PLA2G2F: variants seen among roughly 807,000 people sequenced by gnomAD.
The protein encoded by PLA2G2F is group IIF secretory phospholipase A2.
A neutral mutation model predicts 15.9 loss-of-function variants in PLA2G2F; 17 were observed. The ratio of observed to expected loss-of-function variants is 1.07; its 90% CI spans 0.73 to 1.60. The LOEUF (loss-of-function observed/expected upper bound fraction) is 1.60. Ranked by LOEUF, PLA2G2F falls within the 40% of genes most tolerant of loss-of-function variation. The pLI is 0.00. For synonymous variants in PLA2G2F, 119 were observed against 106.5 expected, an observed-to-expected ratio of 1.12 and a Z score of -0.72; for missense variants, 299 against 278.2, an observed-to-expected ratio of 1.07 and a Z score of -0.53.
intron 2 of PLA2G2F, chr1:20,140,730 T>C (rs1395086514): frequency 6.3e-6 from 1 of 159,278 alleles, no homozygotes; most frequent in African/African-American, 2.4e-5. Flanking sequence ...GGATGAAGGG[T>C]GCATAGATCT....
chr1:20,143,570 G>A lies in PLA2G2F; in HGVS notation c.294G>A (p.Gln98=). The change falls in exon 3 of 5, where the codon CAG becomes CAA. Residue 98 remains glutamine, a synonymous_variant. Coordinates refer to ENST00000375102, the MANE Select transcript of PLA2G2F (RefSeq NM_022819.4). ...GCYCGLGGRG[Q]PKDEVDWCCH... ...ACTGTGGGCTGGGGGGCCGTGGCCAGCCCAAGGATGAGGTGGACTGGTAGG... is the reference window on the plus strand; with the variant it reads ...ACTGTGGGCTGGGGGGCCGTGGCCAACCCAAGGATGAGGTGGACTGGTAGG... 6.2e-7 allele frequency: 1 copy of A among 1,613,990 alleles called. No individual in the cohort carries two copies.
rs767770259 is a variant in PLA2G2F, at chr1:20,148,263, CCAGA to C, written c.500_503del (p.Gln167ArgfsTer50). ...AGAACATGGTTCTGTGCCTCATGAA[CCAGA>C]CGTACCGAGAGGAGTACCGTGGCTT... is the stretch of plus-strand genomic sequence containing the variant. On this transcript the variant is annotated frameshift_variant, in exon 5 of 5. Coordinates refer to ENST00000375102, the MANE Select transcript of PLA2G2F (RefSeq NM_022819.4). LOFTEE classifies it low-confidence loss of function (END_TRUNC). 3.7e-6 allele frequency: 6 copies of C among 1,614,094 alleles called. No individual in the cohort carries two copies. In the Admixed American group the frequency reaches 6.7e-5, roughly 18 times the overall value.
rs2017671098 is a variant in PLA2G2F, at chr1:20,148,851, G to A, written c.*450G>A. On this transcript the variant is annotated 3_prime_UTR_variant, in exon 5 of 5. Coordinates refer to ENST00000375102, the MANE Select transcript of PLA2G2F (RefSeq NM_022819.4). ...AGGAAGGCAGATTGCTGGTCACAAA[G>A]CATGGGTTCCGGGAGCCCCTCAGCT... 1 of 172,838 alleles carries A rather than the reference G, an allele frequency of 5.8e-6. No individual in the cohort carries two copies. Among genetic ancestry groups the A allele is most frequent in the Non-Finnish European group, 1.2e-5 (1 of 80,162 alleles). 10.7% of individuals were successfully genotyped at this position (172,838 alleles called of 1,614,324 possible).
chr1:20,147,400 G>A (rs1281653293), intron 4 of PLA2G2F, among the ~76,000 whole-genome samples: 1 of 152,008 alleles, frequency 6.6e-6, no homozygotes, highest in Non-Finnish European at 1.5e-5. Context: ...TAGGCACTAA[G>A]CTTTTGAACA....
chr1:20,150,235 CTA>C lies in PLA2G2F; in HGVS notation c.*1835_*1836del, dbSNP rs1172375744. 6.6e-6 allele frequency: 1 copy of C among 152,408 alleles called. No individual in the cohort carries two copies. Among genetic ancestry groups the C allele is most frequent in the African/African-American group, 2.4e-5 (1 of 41,462 alleles). The allele number at this position is 152,408 out of a possible 1,614,324, so 9.4% of individuals were successfully genotyped here. A position where few individuals can be genotyped will look rare whatever the true frequency, so the allele number is the denominator to read the frequency against. ...CACCCTCCCCTGTCCCTCGGAAAGA[CTA>C]GGCCAGGGTCTGGGGATGGGATTCT... On this transcript the variant is annotated 3_prime_UTR_variant, in exon 5 of 5. Transcript: ENST00000375102.
chr1:20,139,479 G>C lies in PLA2G2F; in HGVS notation c.52G>C (p.Asp18His). The change falls in exon 1 of 5, where the codon GAT becomes CAT. Residue 18 changes from aspartate to histidine, a missense_variant. Transcript: ENST00000375102. ...NPKGFKKKVLDRCFSGWRGPR... is the reference protein window; with the variant it reads ...NPKGFKKKVLHRCFSGWRGPR... The stretch of plus-strand genomic sequence containing the variant: ...CAAAGGGTTCAAAAAGAAGGTGCTG[G>C]ATAGATGCTTCTCTGGGTGGAGGGG... The C allele has an allele frequency of 6.3e-7, 1 of 1,583,362 alleles. No individual in the cohort carries two copies. Among genetic ancestry groups the C allele is most frequent in the Non-Finnish European group, 8.6e-7 (1 of 1,163,542 alleles).
intron 2 of PLA2G2F, chr1:20,141,029 T>A (rs75377359): frequency 6.6e-6 from 1 of 152,114 alleles, no homozygotes; most frequent in African/African-American, 2.4e-5. Context: ...AAGAAATAAA[T>A]GACAAAAACC....
rs748962936 is a variant in PLA2G2F at position 20,148,215 on chromosome 1, C to G, written c.450C>G (p.Asp150Glu). The change falls in exon 5 of 5, where the codon GAC (aspartate) becomes GAG (glutamate). Residue 150 changes from aspartate to glutamate, a missense_variant. By Grantham distance (45) the Asp-to-Glu change is conservative. Transcript: ENST00000375102. ...GTGACCTCAACAAGACAGAGTGTGACAAGCAGACATGCATGTGTGACAAGA... is the reference window on the plus strand; with the variant it reads ...GTGACCTCAACAAGACAGAGTGTGAGAAGCAGACATGCATGTGTGACAAGA... ...VCSDLNKTECDKQTCMCDKNM... is the reference protein window; with the variant it reads ...VCSDLNKTECEKQTCMCDKNM... 2 of 1,614,066 alleles carry G rather than the reference C, an allele frequency of 1.2e-6. No homozygotes were observed. Among genetic ancestry groups the G allele is most frequent in the Non-Finnish European group, 1.7e-6 (2 of 1,179,994 alleles).
intron 2 of PLA2G2F, 165 bp from the exon 3 acceptor site, chr1:20,143,281 A>T: frequency 1.2e-6 from 1 of 810,560 alleles, no homozygotes; most frequent in Non-Finnish European, 1.9e-6. Flanking sequence ...CCTCTGGCTT[A>T]GCTGCCCACG....
In PLA2G2F at chr1:20,140,196, C is replaced by G. The variant is rs373042211; in HGVS notation, c.147C>G (p.Thr49=). ...RSSLGMKKFF[T]VAILAGSVLS... ...GCCTGGGTATGAAGAAGTTCTTCACCGTGGCCATCCTTGCTGGCAGCGGTG... is the reference window on the plus strand; with the variant it reads ...GCCTGGGTATGAAGAAGTTCTTCACGGTGGCCATCCTTGCTGGCAGCGGTG... Residue 49 remains threonine (T), a synonymous_variant, in exon 2 of 5, where the codon ACC becomes ACG. Coordinates refer to ENST00000375102, the MANE Select transcript of PLA2G2F (RefSeq NM_022819.4). 3.1e-6 allele frequency: 5 copies of G among 1,613,888 alleles called. No homozygotes were observed. In the East Asian group the frequency reaches 1.1e-4, roughly 36 times the overall value.
intron 4 of PLA2G2F, among the ~76,000 whole-genome samples, chr1:20,147,836 G>A (rs939131232): frequency 3.3e-5 from 5 of 152,326 alleles, no homozygotes; most frequent in South Asian, 2.1e-4. Context: ...CCTGGGAGGC[G>A]TGGGGGGTGC....
chr1:20,143,657 T>G lies in PLA2G2F; in HGVS notation c.314+67T>G. 2 of 1,569,630 alleles carry G rather than the reference T, an allele frequency of 1.3e-6. 1 individual carries two copies. The highest frequency in any genetic ancestry group is 1.7e-6 in the Non-Finnish European group (2 of 1,151,500). On this transcript the variant is annotated intron_variant, in intron 3 of 4. Transcript: ENST00000375102. ...GGACAGCTGAAGGTCAGACTGACCT[T>G]GCCCTCCATCCCTGAGTGGGGGAGA...
intron 1 of PLA2G2F, among the ~76,000 whole-genome samples, 174 bp from the exon 2 acceptor site, chr1:20,139,992 C>T (rs555275842): frequency 9.2e-5 from 14 of 152,060 alleles, no homozygotes; most frequent in African/African-American, 2.4e-4. Context: ...ATCTGGGGTG[C>T]GCTCCTCCAG....
rs1455262719 is a variant in PLA2G2F at position 20,149,203 on chromosome 1, G to C, written c.*802G>C. 4 of 152,350 alleles carry C rather than the reference G, an allele frequency of 2.6e-5. No homozygotes were observed. Among genetic ancestry groups the C allele is most frequent in the Admixed American group, 2.6e-4 (4 of 15,282 alleles). The allele number at this position is 152,350 out of a possible 1,614,324, so 9.4% of individuals were successfully genotyped here. ...CCCCAACCCTGCTCTGCCACACCAC[G>C]TGGGTCTGAGGAGCACTCCTACCCC... On this transcript the variant is annotated 3_prime_UTR_variant, in exon 5 of 5. Coordinates refer to ENST00000375102, the MANE Select transcript of PLA2G2F (RefSeq NM_022819.4).
Position 20,150,354 on chromosome 1 carries a change from T to C in PLA2G2F, c.*1953T>C, listed in dbSNP as rs1207360721. ...CTCCACAGGACTCGGCTTCCTCTCC[T>C]CAAATGAATAAAGGCCTCCTACCTC... On this transcript the variant is annotated 3_prime_UTR_variant, in exon 5 of 5. Transcript: ENST00000375102. 6.6e-6 allele frequency: 1 copy of C among 152,300 alleles called. No individual in the cohort carries two copies. The highest frequency in any genetic ancestry group is 1.5e-5 in the Non-Finnish European group (1 of 68,124). 9.4% of individuals were successfully genotyped at this position (152,300 alleles called of 1,614,324 possible).
Position 20,148,285 on chromosome 1 carries a change from C to T in PLA2G2F, c.520C>T (p.Arg174Cys), listed in dbSNP as rs1413855254. ...GAACCAGACGTACCGAGAGGAGTAC[C>T]GTGGCTTCCTCAATGTCTACTGCCA... ...LMNQTYREEY[R>C]GFLNVYCQGP... is the part of the protein sequence containing the mutation. The change falls in exon 5 of 5, where the codon CGT (arginine) becomes TGT (cysteine). Residue 174 changes from arginine (R) to cysteine (C), a missense_variant. By Grantham distance (180) the Arg-to-Cys change is radical. Coordinates refer to ENST00000375102, the MANE Select transcript of PLA2G2F (RefSeq NM_022819.4). 6 of 1,614,050 alleles carry T rather than the reference C, an allele frequency of 3.7e-6. No homozygotes were observed. The highest frequency in any genetic ancestry group is 2.2e-5 in the South Asian group (2 of 91,070).
At chr1:20,147,770 C>A (rs1272953055) in intron 4 of PLA2G2F, among the ~76,000 whole-genome samples, 1 of 152,150 alleles carries the variant, frequency 6.6e-6, no homozygotes, top group Admixed American at 6.5e-5. Context: ...CTTCACTGGG[C>A]GTTCTTTGAT....
intron 2 of PLA2G2F, 197 bp from the exon 3 acceptor site, chr1:20,143,249 A>G: frequency 1.6e-6 from 1 of 624,814 alleles, no homozygotes; most frequent in East Asian, 2.8e-5. Flanking sequence ...CACACCATAC[A>G]TGGTACCTTG....
At chr1:20,139,778 G>A (rs2017423071) in intron 1 of PLA2G2F, among the ~76,000 whole-genome samples, 1 of 152,208 alleles carries the variant, frequency 6.6e-6, no homozygotes, top group African/African-American at 2.4e-5. Context: ...TGCTGGGACT[G>A]GAATCCAGGG....
Sources: allele counts gnomAD v4.1 joint callset (sites outside exome capture counted in the v4.1 genomes callset), GRCh38; gene constraint gnomAD v4.1.1; transcripts MANE v1.5; gene names NCBI Gene and HGNC (gene_info 2026-07-23, HGNC 2026-07-21).